MTURN: variants seen among roughly 807,000 people sequenced by gnomAD.
MTURN encodes maturin.
In MTURN, 7 loss-of-function variants were observed where a neutral mutation model predicts 14.9. The ratio of observed to expected loss-of-function variants is 0.47; its 90% CI spans 0.27 to 0.88. The LOEUF (loss-of-function observed/expected upper bound fraction) is 0.88. MTURN is among the 40% of genes least tolerant of loss of function. The pLI, the probability that MTURN is intolerant of heterozygous loss-of-function variation, is 0.14. For synonymous variants in MTURN, 69 were observed against 72.5 expected (o/e 0.95, Z 0.25); for missense variants, 151 against 174.1 (o/e 0.87, Z 0.75).
rs904491519 is a variant in MTURN at position 30,158,176 on chromosome 7, G to A, written c.*628G>A. On this transcript the variant is annotated 3_prime_UTR_variant, in exon 3 of 3. Coordinates refer to ENST00000324453, the MANE Select transcript of MTURN (RefSeq NM_152793.3). ...CTGGGTATGTAGCGACTGGTTCGTG[G>A]TTAGGTGTAAATGTTACTTGCTTGT... 3.3e-5 allele frequency: 5 copies of A among 152,240 alleles called. No individual in the cohort carries two copies. Among genetic ancestry groups the A allele is most frequent in the African/African-American group, 1.2e-4 (5 of 41,450 alleles). 9.4% of individuals were successfully genotyped at this position (152,240 alleles called of 1,614,324 possible). A position where few individuals can be genotyped will look rare whatever the true frequency, so the allele number is the denominator to read the frequency against.
At chr7:30,149,241 G>A (rs1057267100) in intron 2 of MTURN, among the ~76,000 whole-genome samples, 1 of 152,252 alleles carries the variant, frequency 6.6e-6, no homozygotes, top group Non-Finnish European at 1.5e-5. Context: ...GCTGAGATGT[G>A]TCACGTGGGC....
chr7:30,149,647 A>C (rs1304034130), intron 2 of MTURN, among the ~76,000 whole-genome samples: 1 of 152,150 alleles, frequency 6.6e-6, no homozygotes, highest in African/African-American at 2.4e-5. Context: ...TGTTTTACGT[A>C]AGGGAGGTTT....
At chr7:30,157,037 A>G (rs981791223) in intron 2 of MTURN, among the ~76,000 whole-genome samples, 1 of 152,162 alleles carries the variant, frequency 6.6e-6, no homozygotes, top group Non-Finnish European at 1.5e-5. Flanking sequence ...GCACCAATAA[A>G]TAATAGCACC....
At chr7:30,147,416 C>T (rs573346691) in intron 2 of MTURN, among the ~76,000 whole-genome samples, 4 of 152,164 alleles carry the variant, frequency 2.6e-5, no homozygotes, top group Non-Finnish European at 5.9e-5. Flanking sequence ...TCTGATGGCT[C>T]CCGGGGGTGA....
chr7:30,144,232 A>T (rs943582522), intron 1 of MTURN, among the ~76,000 whole-genome samples: 2 of 152,268 alleles, frequency 1.3e-5, no homozygotes, highest in African/African-American at 4.8e-5. Flanking sequence ...TCACAAGTCT[A>T]CAGAGGACAG....
chr7:30,135,931 C>T (rs926197495), intron 1 of MTURN, among the ~76,000 whole-genome samples: 1 of 152,262 alleles, frequency 6.6e-6, no homozygotes, highest in Non-Finnish European at 1.5e-5. Context: ...AATTACACCC[C>T]GGATCTTAAT....
chr7:30,153,850 T>C (rs866414057), intron 2 of MTURN, among the ~76,000 whole-genome samples: 3 of 152,154 alleles, frequency 2.0e-5, no homozygotes, highest in South Asian at 2.1e-4. Flanking sequence ...CCCAAGTAGC[T>C]GGGACTATAG....
chr7:30,145,781 C>G, intron 1 of MTURN: 1 of 1,429,800 alleles, frequency 7.0e-7, no homozygotes, highest in Non-Finnish European at 9.3e-7. Flanking sequence ...ATCTTTCAGC[C>G]GTAGCTGAAA....
chr7:30,143,205 G>A (rs1009600532), intron 1 of MTURN, among the ~76,000 whole-genome samples: 2 of 152,094 alleles, frequency 1.3e-5, no homozygotes, highest in African/African-American at 4.8e-5. Flanking sequence ...ACACTACCTC[G>A]TGAGATTGAT....
At position 30,157,652 on chromosome 7, in the gene MTURN, A is replaced by G; in HGVS notation, c.*104A>G. On this transcript the variant is annotated 3_prime_UTR_variant, in exon 3 of 3. Transcript: ENST00000324453. The stretch of plus-strand genomic sequence containing the variant: ...TTGCATTAGCACTTCGAAATAGGAC[A>G]TCTGGCTCCCAGCATCCAAATTAAA... 1 of 678,026 alleles carries G rather than the reference A, an allele frequency of 1.5e-6. No individual in the cohort carries two copies. The highest frequency in any genetic ancestry group is 3.2e-5 in the Admixed American group (1 of 31,450). The allele number at this position is 678,026 out of a possible 1,614,324, so 42.0% of individuals were successfully genotyped here.
Position 30,149,937 on chromosome 7 carries a change from G to T in MTURN, c.285+3638G>T, listed in dbSNP as rs1797183866. 2.0e-5 allele frequency among the ~76,000 whole-genome samples: 3 copies of T among 152,164 alleles called. No homozygotes were observed. In the South Asian group the frequency reaches 6.2e-4, roughly 32 times the overall value. ...AGAGCTATTTCTGTGAGCATGTTCTGCAGGGGGTTGCTTGTCATCTCTTAA... is the reference window on the plus strand; with the variant it reads ...AGAGCTATTTCTGTGAGCATGTTCTTCAGGGGGTTGCTTGTCATCTCTTAA... On this transcript the variant is annotated intron_variant, in intron 2 of 2. Coordinates refer to ENST00000324453, the MANE Select transcript of MTURN (RefSeq NM_152793.3).
chr7:30,139,839 A>G (rs1797021426), intron 1 of MTURN, among the ~76,000 whole-genome samples: 2 of 145,470 alleles, frequency 1.4e-5, no homozygotes, highest in African/African-American at 2.6e-5. Flanking sequence ...TCTACCTGGG[A>G]CCCCTCTCTG....
intron 2 of MTURN, among the ~76,000 whole-genome samples, chr7:30,148,638 G>A (rs1797162740): frequency 6.6e-6 from 1 of 152,180 alleles, no homozygotes; most frequent in South Asian, 2.1e-4. Context: ...TACCTTGAGA[G>A]TAGACCCAGC....
At chr7:30,143,672 C>A (rs1380655136) in intron 1 of MTURN, among the ~76,000 whole-genome samples, 1 of 152,142 alleles carries the variant, frequency 6.6e-6, no homozygotes, top group African/African-American at 2.4e-5. Context: ...GAAGGAAGTT[C>A]AGACAGAAGG....
chr7:30,156,838 CTGTCATAA>C (rs1797295810), intron 2 of MTURN, among the ~76,000 whole-genome samples: 1 of 144,500 alleles, frequency 6.9e-6, no homozygotes, highest in African/African-American at 2.6e-5. Flanking sequence ...AAAAAAAACT[CTGTCATAA>C]TAAAAGTGCA....
chr7:30,156,840 G>A (rs73305201), intron 2 of MTURN, among the ~76,000 whole-genome samples: 19,098 of 151,390 alleles, frequency 0.13, 1,321 homozygotes, highest in African/African-American at 0.17. Flanking sequence ...AAAAAACTCT[G>A]TCATAATAAA....
At chr7:30,145,877 G>T in intron 1 of MTURN, 1 of 1,551,648 alleles carries the variant, frequency 6.4e-7, no homozygotes, top group South Asian at 1.2e-5. Context: ...AAGGTGAACA[G>T]TGGAAATCAT....
intron 1 of MTURN, among the ~76,000 whole-genome samples, chr7:30,143,427 C>T (rs1317403655): frequency 1.3e-5 from 2 of 151,020 alleles, no homozygotes; most frequent in African/African-American, 4.9e-5. Flanking sequence ...GATACCTTGC[C>T]GGCTGCCTTG....
intron 1 of MTURN, among the ~76,000 whole-genome samples, chr7:30,140,590 C>T (rs1038300474): frequency 6.6e-6 from 1 of 152,128 alleles, no homozygotes; most frequent in East Asian, 1.9e-4. Flanking sequence ...CCTGTTTCCT[C>T]CTCTGTCAGA....
Sources: allele counts gnomAD v4.1 joint callset (sites outside exome capture counted in the v4.1 genomes callset), GRCh38; gene constraint gnomAD v4.1.1; transcripts MANE v1.5; gene names NCBI Gene and HGNC (gene_info 2026-07-23, HGNC 2026-07-21).